ABTB3: variants seen among roughly 807,000 people sequenced by gnomAD.
ABTB3 encodes the protein ankyrin repeat- and BTB/POZ domain-containing protein 3.
chr12:107,502,601 C>T, the ABTB3 span, among the ~76,000 whole-genome samples: 1 of 152,054 alleles, frequency 6.6e-6, no homozygotes, highest in Non-Finnish European at 1.5e-5. Flanking sequence ...CCCCAAACCC[C>T]AGCCCACAGA....
At chr12:107,413,575 G>C in the ABTB3 span, among the ~76,000 whole-genome samples, 1 of 152,090 alleles carries the variant, frequency 6.6e-6, no homozygotes, top group African/African-American at 2.4e-5. Flanking sequence ...TTGTTCTGTA[G>C]AACACCAGCT....
the ABTB3 span, among the ~76,000 whole-genome samples, chr12:107,333,677 C>T: frequency 6.8e-4 from 104 of 152,250 alleles, 2 homozygotes; most frequent in East Asian, 0.017. Flanking sequence ...AGCTATTTAT[C>T]GAGAGCCTAC....
chr12:107,537,910 C>A, the ABTB3 span, among the ~76,000 whole-genome samples: 30 of 152,314 alleles, frequency 2.0e-4, no homozygotes, highest in African/African-American at 7.0e-4. Context: ...CCACAGCCTG[C>A]GGCCTTGGCC....
chr12:107,441,443 C>A, the ABTB3 span, among the ~76,000 whole-genome samples: 1 of 152,102 alleles, frequency 6.6e-6, no homozygotes, highest in Non-Finnish European at 1.5e-5. Flanking sequence ...GGGATCAACA[C>A]ATACTGGGGC....
At chr12:107,470,684 A>G in the ABTB3 span, among the ~76,000 whole-genome samples, 1 of 152,182 alleles carries the variant, frequency 6.6e-6, no homozygotes, top group Non-Finnish European at 1.5e-5. Context: ...TGCTAATTAA[A>G]GACAAAATTA....
chr12:107,451,965 C>A, the ABTB3 span, among the ~76,000 whole-genome samples: 1 of 152,184 alleles, frequency 6.6e-6, no homozygotes. Flanking sequence ...TAATCCCATC[C>A]TTCATCCCCC....
the ABTB3 span, among the ~76,000 whole-genome samples, chr12:107,472,466 T>C: frequency 6.6e-6 from 1 of 152,184 alleles, no homozygotes; most frequent in East Asian, 1.9e-4. Flanking sequence ...CTCCTTTGGT[T>C]TGAAGCACTG....
the ABTB3 span, among the ~76,000 whole-genome samples, chr12:107,321,360 C>A: frequency 6.6e-6 from 1 of 152,148 alleles, no homozygotes; most frequent in African/African-American, 2.4e-5. Flanking sequence ...AACAAGCGGG[C>A]GCGCAGGGCG....
At chr12:107,413,486 T>G in the ABTB3 span, among the ~76,000 whole-genome samples, 648 of 152,192 alleles carry the variant, frequency 4.3e-3, 4 homozygotes, top group African/African-American at 0.015. Context: ...CCTGCCAGAT[T>G]GAAAGAGACA....
chr12:107,351,126 G>T, the ABTB3 span, among the ~76,000 whole-genome samples: 1 of 152,228 alleles, frequency 6.6e-6, no homozygotes, highest in Non-Finnish European at 1.5e-5. Flanking sequence ...AGGATTTGCA[G>T]CAAATTTTAA....
chr12:107,346,407 T>G, the ABTB3 span, among the ~76,000 whole-genome samples: 1 of 152,144 alleles, frequency 6.6e-6, no homozygotes. Context: ...TAGCTATAGC[T>G]CTTCGTTACA....
the ABTB3 span, among the ~76,000 whole-genome samples, chr12:107,532,191 C>A: frequency 9.2e-5 from 14 of 152,350 alleles, no homozygotes; most frequent in African/African-American, 3.4e-4. Flanking sequence ...CCAGGGTCTG[C>A]AATCACCAGC....
the ABTB3 span, chr12:107,609,981 G>A: frequency 3.4e-6 from 2 of 594,286 alleles, no homozygotes; most frequent in South Asian, 4.0e-5. Context: ...GTATGCTATG[G>A]GAGCACACAG....
the ABTB3 span, chr12:107,318,669 C>G: frequency 1.5e-4 from 67 of 453,394 alleles, 2 homozygotes; most frequent in South Asian, 2.6e-3. Context: ...GGGCAAGCCC[C>G]GGCGGGAGCT....
At chr12:107,523,548 C>T in the ABTB3 span, among the ~76,000 whole-genome samples, 3 of 152,256 alleles carry the variant, frequency 2.0e-5, no homozygotes, top group Admixed American at 6.5e-5. Context: ...TCAATTGTGA[C>T]ATAGTAGTTC....
the ABTB3 span, among the ~76,000 whole-genome samples, chr12:107,542,324 A>AAAAAAAAAAAAAAAAAAAC: frequency 6.6e-6 from 1 of 151,832 alleles, no homozygotes; most frequent in Admixed American, 6.6e-5. Flanking sequence ...AAAAAAAAAA[A>AAAAAAAAAAAAAAAAAAAC]ATTAACCATC....
the ABTB3 span, among the ~76,000 whole-genome samples, chr12:107,529,381 A>G: frequency 6.8e-6 from 1 of 147,392 alleles, no homozygotes; most frequent in Non-Finnish European, 1.5e-5. Flanking sequence ...ATGATGTGAC[A>G]GTGATGGTGA....
At chr12:107,632,813 G>T in the ABTB3 span, among the ~76,000 whole-genome samples, 1 of 152,252 alleles carries the variant, frequency 6.6e-6, no homozygotes, top group Non-Finnish European at 1.5e-5. Context: ...GTTCCTTGTG[G>T]CTGTAGGACT....
At chr12:107,354,343 G>T in the ABTB3 span, among the ~76,000 whole-genome samples, 2 of 151,960 alleles carry the variant, frequency 1.3e-5, no homozygotes, top group African/African-American at 4.8e-5. Flanking sequence ...AGGACACTTT[G>T]CCCCCAAAAG....
Sources: gnomAD v4.1 joint callset for allele counts (sites outside exome capture counted in the v4.1 genomes callset) on GRCh38, gnomAD v4.1.1 for gene constraint, MANE v1.5 for transcripts, NCBI Gene and HGNC (gene_info 2026-07-23, HGNC 2026-07-21) for gene names.